Variants in IRAK1BP1 observed in about 807,000 individuals in gnomAD.
IRAK1BP1 encodes the protein interleukin 1 receptor associated kinase 1 binding protein 1.
Under a neutral mutation model 28.0 loss-of-function variants are expected in IRAK1BP1, and 24 were observed. That is an observed-to-expected ratio of 0.86 (90% CI 0.62 to 1.20). IRAK1BP1 has a LOEUF of 1.20. IRAK1BP1 is among the 50% of genes most tolerant of loss of function. The pLI is 0.00. For missense variants in IRAK1BP1, 336 were observed against 316.7 expected (o/e 1.06, Z -0.46); for synonymous variants, 131 against 116.3 (o/e 1.13, Z -0.81).
At position 78,898,782 on chromosome 6, in the gene IRAK1BP1, A is replaced by G. The variant is rs1009806134; in HGVS notation, c.*448A>G. 2 of 152,158 alleles carry G rather than the reference A, an allele frequency of 1.3e-5. No homozygotes were observed. The highest frequency in any genetic ancestry group is 2.9e-5 in the Non-Finnish European group (2 of 68,006). 9.4% of individuals were successfully genotyped at this position (152,158 alleles called of 1,614,324 possible). A position where few individuals can be genotyped will look rare whatever the true frequency, so the allele number is the denominator to read the frequency against. On this transcript the variant is annotated 3_prime_UTR_variant, in exon 4 of 4. Transcript: ENST00000369940. Reference sequence around the variant, plus strand: ...TTTTAAATTGTAAGACAAAATTTTTATGGAAAAGAATTCCTATATCCCATC... The same window carrying G: ...TTTTAAATTGTAAGACAAAATTTTTGTGGAAAAGAATTCCTATATCCCATC...
chr6:78,895,340 G>A (rs1472622269), intron 2 of IRAK1BP1, among the ~76,000 whole-genome samples: 2 of 151,972 alleles, frequency 1.3e-5, no homozygotes, highest in African/African-American at 2.4e-5. Context: ...AAACTGAAAA[G>A]GAAGAAATAT....
the IRAK1BP1 span, among the ~76,000 whole-genome samples, chr6:78,960,377 A>G: frequency 5.9e-5 from 9 of 152,068 alleles, no homozygotes; most frequent in Non-Finnish European, 1.2e-4. Flanking sequence ...TCATCTCTGA[A>G]GCACTAGGTT....
the IRAK1BP1 span, among the ~76,000 whole-genome samples, chr6:78,964,326 C>T: frequency 2.0e-5 from 3 of 152,246 alleles, no homozygotes; most frequent in African/African-American, 7.2e-5. Flanking sequence ...CTGAGGTCTA[C>T]GAGACTGGGT....
the IRAK1BP1 span, among the ~76,000 whole-genome samples, chr6:78,967,774 A>C: frequency 6.6e-6 from 1 of 152,160 alleles, no homozygotes; most frequent in Non-Finnish European, 1.5e-5. Flanking sequence ...TCACTTCTGG[A>C]ATATTGCTGC....
intron 1 of IRAK1BP1, among the ~76,000 whole-genome samples, chr6:78,872,563 A>G (rs1243480994): frequency 6.6e-6 from 1 of 152,216 alleles, no homozygotes; most frequent in Non-Finnish European, 1.5e-5. Flanking sequence ...TACCAGTGGA[A>G]TATTTGTAAT....
chr6:78,923,668 G>A (rs994748098), intron 4 of IRAK1BP1, among the ~76,000 whole-genome samples: 3 of 152,166 alleles, frequency 2.0e-5, no homozygotes, highest in African/African-American at 7.2e-5. Flanking sequence ...ATAGTTGGAA[G>A]TAAAGCACTC....
intron 4 of IRAK1BP1, among the ~76,000 whole-genome samples, chr6:78,928,438 T>A (rs1772950359): frequency 2.0e-5 from 3 of 152,148 alleles, no homozygotes; most frequent in Non-Finnish European, 4.4e-5. Context: ...CTTCAGGTTT[T>A]CCAAATATAA....
intron 2 of IRAK1BP1, among the ~76,000 whole-genome samples, chr6:78,896,778 T>C (rs1006626477): frequency 6.7e-6 from 1 of 149,248 alleles, no homozygotes; most frequent in African/African-American, 2.5e-5. Context: ...GAGCCCGTGA[T>C]CACACCACTG....
rs111523858 is a variant in IRAK1BP1 at position 78,901,062 on chromosome 6, G to A, written c.*2728G>A. On this transcript the variant is annotated 3_prime_UTR_variant, in exon 4 of 4. Coordinates refer to ENST00000369940, the MANE Select transcript of IRAK1BP1 (RefSeq NM_001010844.4). ...TTGTGCATCAAGAAAAAAATTGTTCGTTCTCAACAAAAATTTAATCACATG... is the reference window on the plus strand; with the variant it reads ...TTGTGCATCAAGAAAAAAATTGTTCATTCTCAACAAAAATTTAATCACATG... The A allele has an allele frequency of 2.7e-5, 4 of 149,716 alleles. No homozygotes were observed. The highest frequency in any genetic ancestry group is 5.9e-5 in the Non-Finnish European group (4 of 67,502). 9.3% of individuals were successfully genotyped at this position (149,716 alleles called of 1,614,324 possible).
chr6:78,890,882 T>C (rs1348909595), intron 2 of IRAK1BP1, among the ~76,000 whole-genome samples: 4 of 152,200 alleles, frequency 2.6e-5, no homozygotes, highest in Non-Finnish European at 5.9e-5. Context: ...GATGGATTAA[T>C]GCCCTCTGAA....
chr6:78,926,334 A>C (rs1241395371), intron 4 of IRAK1BP1, among the ~76,000 whole-genome samples: 1 of 152,196 alleles, frequency 6.6e-6, no homozygotes, highest in African/African-American at 2.4e-5. Context: ...TATATCCAAA[A>C]GAAAATCATT....
chr6:78,907,584 A>G (rs2127659783), downstream of IRAK1BP1, among the ~76,000 whole-genome samples: 1 of 152,322 alleles, frequency 6.6e-6, no homozygotes, highest in Non-Finnish European at 1.5e-5. Context: ...TTAAAACTAA[A>G]ACTTTAGAAG....
chr6:78,972,463 C>T, the IRAK1BP1 span, among the ~76,000 whole-genome samples: 1 of 152,162 alleles, frequency 6.6e-6, no homozygotes, highest in East Asian at 1.9e-4. Context: ...CTCTAAAAAT[C>T]AGAGCACCTC....
the IRAK1BP1 span, chr6:78,963,043 C>T: frequency 3.4e-6 from 5 of 1,479,330 alleles, no homozygotes; most frequent in East Asian, 1.2e-4. Context: ...CAGTATTTTT[C>T]CATTACTTTG....
intron 4 of IRAK1BP1, among the ~76,000 whole-genome samples, chr6:78,929,666 C>T (rs1171568861): frequency 6.6e-6 from 1 of 152,084 alleles, no homozygotes; most frequent in Non-Finnish European, 1.5e-5. Flanking sequence ...CTCATGTACC[C>T]TCTGAATCTA....
chr6:78,941,086 T>A (rs571545144), intron 4 of IRAK1BP1: 17 of 1,614,124 alleles, frequency 1.1e-5, no homozygotes, highest in Non-Finnish European at 1.4e-5. Context: ...GAAAATTGCA[T>A]GTTGAAGAAG....
chr6:78,936,704 T>C (rs1773283040), intron 4 of IRAK1BP1: 1 of 151,886 alleles, frequency 6.6e-6, no homozygotes, highest in Admixed American at 6.6e-5. Context: ...TCTACTGCAG[T>C]GTGTACAAGG....
intron 1 of IRAK1BP1, among the ~76,000 whole-genome samples, chr6:78,881,447 A>G (rs1771224377): frequency 2.0e-5 from 3 of 152,184 alleles, no homozygotes; most frequent in Non-Finnish European, 2.9e-5. Flanking sequence ...GGAGTGGTAC[A>G]TACATGACTT....
downstream of IRAK1BP1, chr6:78,946,869 G>A (rs141711727): frequency 2.6e-6 from 4 of 1,549,926 alleles, no homozygotes; most frequent in African/African-American, 2.8e-5. Flanking sequence ...AACTCATGCT[G>A]TAAATCTGTG....
Sources: allele counts gnomAD v4.1 joint callset (sites outside exome capture counted in the v4.1 genomes callset), GRCh38; gene constraint gnomAD v4.1.1; transcripts MANE v1.5; gene names NCBI Gene and HGNC (gene_info 2026-07-23, HGNC 2026-07-21).